Variants in DGKH observed in about 807,000 individuals in gnomAD.
DGKH encodes the protein DAG kinase eta.
DGKH carries 90 observed loss-of-function variants against 159.3 expected under a neutral mutation model. The ratio of observed to expected loss-of-function variants is 0.57; its 90% CI spans 0.48 to 0.67. The LOEUF is 0.67. DGKH is among the 30% of genes least tolerant of loss of function. DGKH has a pLI of 0.00. For missense variants in DGKH, 1,181 were observed against 1,506.1 expected, an observed-to-expected ratio of 0.78 and a Z score of 3.57; for synonymous variants, 536 against 553.8, an observed-to-expected ratio of 0.97 and a Z score of 0.45.
At chr13:42,248,721 T>C (rs1307192728) in intron 29 of DGKH, among the ~76,000 whole-genome samples, 1 of 151,182 alleles carries the variant, frequency 6.6e-6, no homozygotes, top group Admixed American at 6.6e-5. Context: ...TTTCTCTGTT[T>C]AGATATGTTT....
At position 42,168,725 on chromosome 13, in the gene DGKH, G is replaced by A. The variant is rs775620105; in HGVS notation, c.1274G>A (p.Arg425Gln). The stretch of plus-strand genomic sequence containing the variant: ...TTGGGTACAGGAAATGACCTTGCCC[G>A]AGTTCTTGGCTGGGGAGGTTCATAT... ...LPLGTGNDLA[R>Q]VLGWGGSYDD... Residue 425 changes from arginine to glutamine, a missense_variant, in exon 11 of 30, where the codon CGA (arginine) becomes CAA (glutamine). Coordinates refer to ENST00000337343, the MANE Select transcript of DGKH (RefSeq NM_178009.5). The A allele has an allele frequency of 1.2e-6, 2 of 1,614,138 alleles. No homozygotes were observed. Among genetic ancestry groups the A allele is most frequent in the Non-Finnish European group, 1.7e-6 (2 of 1,180,016 alleles).
At chr13:42,221,480 A>G in intron 29 of DGKH, 86 bp downstream of exon 29, 1 of 1,542,758 alleles carries the variant, frequency 6.5e-7, no homozygotes, top group Non-Finnish European at 8.8e-7. Flanking sequence ...ACTTGCTTTT[A>G]GCTTCGCTTA....
At chr13:42,229,052 T>C (rs113403157) in intron 29 of DGKH, 47 bp from the exon 30 acceptor site, 1 of 1,518,250 alleles carries the variant, frequency 6.6e-7, no homozygotes, top group Non-Finnish European at 9.0e-7. Context: ...CTGTGTTTTT[T>C]CTTTCATTTT....
intron 18 of DGKH, among the ~76,000 whole-genome samples, chr13:42,198,961 G>A (rs1957277754): frequency 6.6e-6 from 1 of 151,994 alleles, no homozygotes; most frequent in South Asian, 2.1e-4. Context: ...GGAATCTTTT[G>A]GCCCACACTG....
At chr13:42,102,079 A>G (rs1283994566) in intron 1 of DGKH, among the ~76,000 whole-genome samples, 3 of 152,244 alleles carry the variant, frequency 2.0e-5, no homozygotes, top group African/African-American at 7.2e-5. Flanking sequence ...GAAGTCCAAG[A>G]GATCAAGGCC....
chr13:42,052,029 A>G (rs1287441578), intron 1 of DGKH, among the ~76,000 whole-genome samples: 4 of 152,088 alleles, frequency 2.6e-5, no homozygotes, highest in Non-Finnish European at 4.4e-5. Context: ...GTAGGTCAAA[A>G]CTGGTCAAAT....
Position 42,195,009 on chromosome 13 carries a change from C to A in DGKH, c.2160C>A (p.Ile720=). Residue 720 remains isoleucine (I), a synonymous_variant, in exon 17 of 30, where the codon ATC becomes ATA. Transcript: ENST00000337343. ...TCCCTGTGCTCAATACCAGAATAAT[C>A]TGCCCAGGTAGTACAGATTCTGAAA... The part of the protein sequence containing the change: ...ENLPVLNTRI[I]CPGLRAGLAA... The A allele has an allele frequency of 6.2e-7, 1 of 1,613,712 alleles. No homozygotes were observed. Among genetic ancestry groups the A allele is most frequent in the Non-Finnish European group, 8.5e-7 (1 of 1,179,834 alleles).
intron 17 of DGKH, among the ~76,000 whole-genome samples, chr13:42,195,473 G>C (rs1957184438): frequency 6.6e-6 from 1 of 152,182 alleles, no homozygotes; most frequent in African/African-American, 2.4e-5. Context: ...CTGCACTCCA[G>C]CCTGGGAGAC....
In DGKH at chr13:42,254,982, CAA is replaced by C. The variant is rs1469008625; in HGVS notation, n.4128-1298_4128-1297del. Among the ~76,000 whole-genome samples the C allele has an allele frequency of 2.0e-5, 3 of 151,928 alleles. No individual in the cohort carries two copies. The East Asian group carries it at 5.8e-4, about 29-fold the overall frequency. On this transcript the variant is annotated intron_variant and non_coding_transcript_variant, in intron 30 of 30. Transcript: ENST00000498255. ...AATAAAAGATTCTTACATTGCTAGA[CAA>C]AAATTTTTATATTGACTAATTGTTG...
intron 1 of DGKH, among the ~76,000 whole-genome samples, chr13:42,096,316 C>T (rs941876443): frequency 3.9e-5 from 6 of 151,964 alleles, no homozygotes; most frequent in Non-Finnish European, 5.9e-5. Context: ...GTTTAGCTCC[C>T]ACTTATAAAT....
At chr13:42,188,992 G>T (rs1956996294) in intron 14 of DGKH, 44 bp from the exon 15 acceptor site, 1 of 1,583,998 alleles carries the variant, frequency 6.3e-7, no homozygotes, top group Non-Finnish European at 8.6e-7. Flanking sequence ...TGCTGATCTT[G>T]ATTCTTTTTG....
At chr13:42,042,455 T>C (rs1205378500) in intron 1 of DGKH, among the ~76,000 whole-genome samples, 2 of 152,212 alleles carry the variant, frequency 1.3e-5, no homozygotes, top group South Asian at 2.1e-4. Flanking sequence ...CAGTTTCCAG[T>C]CTTAGCACTG....
rs1458940278 is a variant in DGKH at position 42,199,636 on chromosome 13, G to A, written c.2356G>A (p.Glu786Lys). 1.2e-6 allele frequency: 2 copies of A among 1,604,912 alleles called. No homozygotes were observed. The highest frequency in any genetic ancestry group is 1.7e-6 in the Non-Finnish European group (2 of 1,177,170). ...GIGLDAKISL[E>K]FNNKREEHPE... is the part of the protein sequence containing the mutation. ...TGGATTAGATGCAAAAATTTCATTAGAATTTAATAATAAAAGAGAGGAGCA... is the reference window on the plus strand; with the variant it reads ...TGGATTAGATGCAAAAATTTCATTAAAATTTAATAATAAAAGAGAGGAGCA... Residue 786 changes from glutamate (E) to lysine (K), a missense_variant, in exon 19 of 30, where the codon GAA (glutamate) becomes AAA (lysine). Transcript: ENST00000337343.
chr13:42,127,336 C>T (rs375854129), intron 1 of DGKH, 127 bp from the exon 2 acceptor site: 1 of 710,102 alleles, frequency 1.4e-6, no homozygotes, highest in East Asian at 2.7e-5. Context: ...GTAAAATATT[C>T]TCCTGTAATT....
Position 42,127,674 on chromosome 13 carries a change from T to C in DGKH, c.303+101T>C, listed in dbSNP as rs2137841335. 5.2e-6 allele frequency: 4 copies of C among 775,982 alleles called. No homozygotes were observed. In the South Asian group the frequency reaches 6.4e-5, roughly 12 times the overall value. 48.1% of individuals were successfully genotyped at this position (775,982 alleles called of 1,614,324 possible). ...TTGTCTTGGAAGCGCACTGTAGCAT[T>C]ATGCTCTTATATGAATTCAATATAA... On this transcript the variant is annotated intron_variant, in intron 2 of 29. Transcript: ENST00000337343.
chr13:42,160,015 C>G lies in DGKH; in HGVS notation c.734C>G (p.Ala245Gly). ...CCCTTTCTTCCTTCTCCACAGGTCG[C>G]GATGCCTCACCAGTGGCTTGAGGGC... ...KDIIEDEDGV[A>G]MPHQWLEGNL... The change falls in exon 7 of 30, where the codon GCG (alanine) becomes GGG (glycine). Residue 245 changes from alanine to glycine, a missense_variant. By Grantham distance (60) the Ala-to-Gly change is moderately conservative. Transcript: ENST00000337343. 6.2e-7 allele frequency: 1 copy of G among 1,614,164 alleles called. No homozygotes were observed. The highest frequency in any genetic ancestry group is 8.5e-7 in the Non-Finnish European group (1 of 1,180,038).
At chr13:42,145,906 T>C (rs1425374421) in intron 3 of DGKH, among the ~76,000 whole-genome samples, 3 of 152,172 alleles carry the variant, frequency 2.0e-5, no homozygotes, top group African/African-American at 7.2e-5. Context: ...GATCTCATGT[T>C]TGTAAGAGCA....
chr13:42,068,774 A>G (rs757738918), intron 1 of DGKH, among the ~76,000 whole-genome samples: 1 of 152,316 alleles, frequency 6.6e-6, no homozygotes, highest in African/African-American at 2.4e-5. Context: ...ACTATCTCAC[A>G]TGTAGAAAAA....
chr13:42,111,529 G>A (rs1344289691), intron 1 of DGKH, among the ~76,000 whole-genome samples: 1 of 152,170 alleles, frequency 6.6e-6, no homozygotes, highest in East Asian at 1.9e-4. Context: ...GCAGTGAGCT[G>A]AGAGTGTGCC....
Sources: gnomAD v4.1 joint callset for allele counts (sites outside exome capture counted in the v4.1 genomes callset) on GRCh38, gnomAD v4.1.1 for gene constraint, MANE v1.5 for transcripts, NCBI Gene and HGNC (gene_info 2026-07-23, HGNC 2026-07-21) for gene names.